The following WARS2 variants were observed in gnomAD, a reference collection of about 807,000 sequenced individuals.
The protein encoded by WARS2 is tryptophan--tRNA ligase, mitochondrial.
WARS2 carries 28 observed loss-of-function variants against 36.5 expected under a neutral mutation model. That is an observed-to-expected ratio of 0.77 (90% CI 0.57 to 1.05). WARS2 has a LOEUF of 1.05. Ranked by LOEUF, WARS2 falls within the 50% of genes least tolerant of loss-of-function variation. WARS2 has a pLI of 0.00. For missense variants in WARS2, 435 were observed against 456.8 expected, an observed-to-expected ratio of 0.95 and a Z score of 0.44; for synonymous variants, 174 against 178.4, an observed-to-expected ratio of 0.98 and a Z score of 0.20.
At chr1:119,050,121 T>C (rs1216162480) in intron 2 of WARS2, among the ~76,000 whole-genome samples, 2 of 152,342 alleles carry the variant, frequency 1.3e-5, no homozygotes, top group African/African-American at 4.8e-5. Flanking sequence ...CAAGTCCTAC[T>C]CCTATCCCCT....
chr1:119,086,001 G>C, intron 1 of WARS2: 1 of 1,591,124 alleles, frequency 6.3e-7, no homozygotes, highest in African/African-American at 1.3e-5. Flanking sequence ...CCCAGGCAAG[G>C]CAGTGTGGCA....
At chr1:119,059,699 T>C (rs1650216987) in intron 2 of WARS2, among the ~76,000 whole-genome samples, 1 of 152,246 alleles carries the variant, frequency 6.6e-6, no homozygotes. Context: ...TGTCAGTTTA[T>C]ATAAAAATGT....
At chr1:119,111,070 T>A (rs1257733538) in intron 1 of WARS2, among the ~76,000 whole-genome samples, 1 of 152,198 alleles carries the variant, frequency 6.6e-6, no homozygotes, top group African/African-American at 2.4e-5. Flanking sequence ...GCCCTTAACA[T>A]ATTAATCATA....
chr1:119,042,371 G>T, intron 3 of WARS2, 22 bp from the exon 4 acceptor site: 1 of 1,609,984 alleles, frequency 6.2e-7, no homozygotes, highest in Admixed American at 1.7e-5. Context: ...GAAAAGAGAG[G>T]AGGGGAAGAA....
chr1:119,085,056 C>T (rs35059613), intron 1 of WARS2: 43,234 of 709,618 alleles, frequency 0.061, 1,551 homozygotes, highest in Middle Eastern at 0.094. Context: ...GCGCTGGGTC[C>T]TTTTATGCCT....
At chr1:119,073,987 G>C (rs1408828130) in intron 2 of WARS2, among the ~76,000 whole-genome samples, 1 of 152,164 alleles carries the variant, frequency 6.6e-6, no homozygotes, top group Non-Finnish European at 1.5e-5. Context: ...TTACTTTGTG[G>C]AGATTAGACA....
chr1:119,048,808 G>C (rs985216984), intron 2 of WARS2, among the ~76,000 whole-genome samples: 2 of 136,600 alleles, frequency 1.5e-5, no homozygotes, highest in African/African-American at 3.0e-5. Context: ...GCTCACGCCT[G>C]TAATCATCAC....
At chr1:119,124,504 AATG>A (rs1397255315) in intron 1 of WARS2, among the ~76,000 whole-genome samples, 1 of 149,604 alleles carries the variant, frequency 6.7e-6, no homozygotes, top group Non-Finnish European at 1.5e-5. Context: ...ATTGGAATGA[AATG>A]AAATGAAATG....
intron 1 of WARS2, among the ~76,000 whole-genome samples, chr1:119,103,763 T>C (rs1654039874): frequency 6.6e-6 from 1 of 151,900 alleles, no homozygotes; most frequent in Non-Finnish European, 1.5e-5. Context: ...GACTCAAGTG[T>C]ATTTATCTAT....
chr1:119,108,007 T>A (rs1654363560), intron 1 of WARS2, among the ~76,000 whole-genome samples: 1 of 152,108 alleles, frequency 6.6e-6, no homozygotes, highest in South Asian at 2.1e-4. Context: ...TAAACCAGCC[T>A]CACATACCTG....
intron 1 of WARS2, among the ~76,000 whole-genome samples, chr1:119,119,965 A>G (rs587674848): frequency 3.7e-4 from 56 of 152,276 alleles, no homozygotes; most frequent in Non-Finnish European, 6.0e-4. Flanking sequence ...AAAGTCTGAA[A>G]GAACACAAAT....
intron 1 of WARS2, among the ~76,000 whole-genome samples, chr1:119,118,812 T>C (rs1057140163): frequency 1.6e-4 from 25 of 152,156 alleles, no homozygotes; most frequent in African/African-American, 6.0e-4. Context: ...CAGCCAAGAA[T>C]TTTACATCCA....
At chr1:119,129,468 G>A (rs1655933116) in intron 1 of WARS2, among the ~76,000 whole-genome samples, 1 of 152,066 alleles carries the variant, frequency 6.6e-6, no homozygotes, top group Non-Finnish European at 1.5e-5. Flanking sequence ...CAACACTTTG[G>A]GAGGCTGAGG....
chr1:119,066,676 A>G (rs1400064029), intron 2 of WARS2, among the ~76,000 whole-genome samples: 1 of 152,196 alleles, frequency 6.6e-6, no homozygotes, highest in Non-Finnish European at 1.5e-5. Context: ...GCTTAATCTT[A>G]CCAGTAGTCA....
At position 119,042,342 on chromosome 1, in the gene WARS2, G is replaced by A. The variant is rs750782270; in HGVS notation, c.437C>T (p.Thr146Ile). The part of the protein sequence containing the change: ...LQHLHQWKAK[T>I]TKQKHDGTVG... ...CGTGCCATCGTGCTTCTGCTTGGTA[G>A]TCTTTGCCTGTGAGAGGTGAAAAGA... Residue 146 changes from threonine (T) to isoleucine (I), a missense_variant, in exon 4 of 6, where the codon ACT becomes ATT. Transcript: ENST00000235521. The A allele has an allele frequency of 6.2e-7, 1 of 1,613,628 alleles. No homozygotes were observed. Among genetic ancestry groups the A allele is most frequent in the Non-Finnish European group, 8.5e-7 (1 of 1,179,824 alleles).
At chr1:119,127,406 A>G (rs1655745188) in intron 1 of WARS2, 2 of 409,728 alleles carry the variant, frequency 4.9e-6, no homozygotes, top group Non-Finnish European at 9.1e-6. Context: ...CACTGCCAGT[A>G]AGCAGTAGAG....
At chr1:119,093,263 TTCACTGA>T in intron 1 of WARS2, among the ~76,000 whole-genome samples, 1 of 152,134 alleles carries the variant, frequency 6.6e-6, no homozygotes, top group East Asian at 1.9e-4. Context: ...AAGTATCATA[TTCACTGA>T]AAAACCACTG....
At chr1:119,134,509 A>T (rs1482823739) in intron 1 of WARS2, among the ~76,000 whole-genome samples, 1 of 152,162 alleles carries the variant, frequency 6.6e-6, no homozygotes, top group Non-Finnish European at 1.5e-5. Context: ...AACCTAACAG[A>T]ACTCAGGTGA....
chr1:119,032,901 T>A lies in WARS2; in HGVS notation c.*10A>T. On this transcript the variant is annotated 3_prime_UTR_variant, in exon 6 of 6. Coordinates refer to ENST00000235521, the MANE Select transcript of WARS2 (RefSeq NM_015836.4). ...GGCACAAAAGCCTTGCTGTGATTCG[T>A]TGAAACTTCCTATAGAAAACCCACC... The A allele has an allele frequency of 6.2e-7, 1 of 1,604,016 alleles. No individual in the cohort carries two copies. The highest frequency in any genetic ancestry group is 8.5e-7 in the Non-Finnish European group (1 of 1,173,474).
Sources: gnomAD v4.1 joint callset for allele counts (sites outside exome capture counted in the v4.1 genomes callset) on GRCh38, gnomAD v4.1.1 for gene constraint, MANE v1.5 for transcripts, NCBI Gene and HGNC (gene_info 2026-07-23, HGNC 2026-07-21) for gene names.